Variants in OR6T1 observed in about 807,000 individuals in gnomAD.
OR6T1 encodes olfactory receptor 6T1.
For synonymous variants in OR6T1, 179 were observed against 159.1 expected (o/e 1.13, Z -0.94); for missense variants, 389 against 390.5 (o/e 1.00, Z 0.03).
In OR6T1 at chr11:123,942,917, G is replaced by T; in HGVS notation, c.922C>A (p.Pro308Thr). Residue 308 changes from proline (P) to threonine (T), a missense_variant, in exon 1 of 1, where the codon CCC (proline) becomes ACC (threonine). Transcript: ENST00000321252. ...QQALREALGW[P>T]RLTAVMKLRV... is the part of the protein sequence containing the mutation. Reference sequence around the variant, plus strand: ...AGTTTCATCACAGCAGTGAGCCTGGGCCACCCCAAGGCTTCTCTCAGTGCT... The same window carrying T: ...AGTTTCATCACAGCAGTGAGCCTGGTCCACCCCAAGGCTTCTCTCAGTGCT... 1 of 1,614,058 alleles carries T rather than the reference G, an allele frequency of 6.2e-7. No individual in the cohort carries two copies. The highest frequency in any genetic ancestry group is 8.5e-7 in the Non-Finnish European group (1 of 1,179,988).
chr11:123,943,560 T>C lies in OR6T1; in HGVS notation c.279A>G (p.Ser93=). 1.9e-6 allele frequency: 3 copies of C among 1,614,062 alleles called. No individual in the cohort carries two copies. Among genetic ancestry groups the C allele is most frequent in the Non-Finnish European group, 2.5e-6 (3 of 1,179,996 alleles). The change falls in exon 1 of 1, where the codon TCA becomes TCG. Residue 93 remains serine, a synonymous_variant. Transcript: ENST00000321252. ...VVILTGDHTI[S]FVSCIIQSYL... is the part of the protein sequence containing the mutation. ...AGGACTGGATGATGCAGCTGACAAA[T>C]GAGATGGTGTGATCCCCCGTGAGGA...
Position 123,943,276 on chromosome 11 carries a change from G to C in OR6T1, c.563C>G (p.Ser188Cys). Residue 188 changes from serine (S) to cysteine (C), a missense_variant, in exon 1 of 1, where the codon TCT (serine) becomes TGT (cysteine). Physicochemically the swap from Ser to Cys is moderately radical, Grantham distance 112. Coordinates refer to ENST00000321252, the MANE Select transcript of OR6T1 (RefSeq NM_001005187.1). ...FRDSWPLLRL[S>C]CGDTHLLKLV... ...TTTCAGCAGGTGGGTGTCCCCACAA[G>C]AAAGCCTGAGCAAGGGCCAACTGTC... 6.2e-7 allele frequency: 1 copy of C among 1,614,210 alleles called. No individual in the cohort carries two copies. The highest frequency in any genetic ancestry group is 8.5e-7 in the Non-Finnish European group (1 of 1,180,034).
At position 123,943,373 on chromosome 11, in the gene OR6T1, C is replaced by A. The variant is rs1432238496; in HGVS notation, c.466G>T (p.Val156Phe). Residue 156 changes from valine to phenylalanine, a missense_variant, in exon 1 of 1, where the codon GTC becomes TTC. Transcript: ENST00000321252. ...LASWLAGFLW[V>F]LCPTVLMASL... is the part of the protein sequence containing the mutation. Reference sequence around the variant, plus strand: ...GCCATGAGGACAGTGGGGCAAAGGACCCAGAGGAATCCAGCTAGCCAGGAG... The same window carrying A: ...GCCATGAGGACAGTGGGGCAAAGGAACCAGAGGAATCCAGCTAGCCAGGAG... 2 of 1,614,172 alleles carry A rather than the reference C, an allele frequency of 1.2e-6. No individual in the cohort carries two copies. Among genetic ancestry groups the A allele is most frequent in the Non-Finnish European group, 1.7e-6 (2 of 1,180,050 alleles).
At position 123,943,664 on chromosome 11, in the gene OR6T1, T is replaced by A; in HGVS notation, c.175A>T (p.Met59Leu). 4 of 1,614,162 alleles carry A rather than the reference T, an allele frequency of 2.5e-6. No individual in the cohort carries two copies. The highest frequency in any genetic ancestry group is 1.7e-6 in the Non-Finnish European group (2 of 1,179,996). The change falls in exon 1 of 1, where the codon ATG becomes TTG. Residue 59 changes from methionine to leucine, a missense_variant. Physicochemically the swap from Met to Leu is conservative, Grantham distance 15. Coordinates refer to ENST00000321252, the MANE Select transcript of OR6T1 (RefSeq NM_001005187.1). ...GAGAAATTCCGCAGGAAGAAGTACA[T>A]CTGTATGTGCAGGCGTTGGTCTATC... ...SWIDQRLHIQ[M>L]YFFLRNFSFL...
At position 123,943,223 on chromosome 11, in the gene OR6T1, C is replaced by G. The variant is rs1473757582; in HGVS notation, c.616G>C (p.Val206Leu). 1.2e-6 allele frequency: 2 copies of G among 1,614,068 alleles called. No homozygotes were observed. The highest frequency in any genetic ancestry group is 1.7e-5 in the Admixed American group (1 of 60,006). The change falls in exon 1 of 1, where the codon GTG (valine) becomes CTG (leucine). Residue 206 changes from valine (V) to leucine (L), a missense_variant. Physicochemically the swap from Val to Leu is conservative, Grantham distance 32. Transcript: ENST00000321252. ...KLVAFMLSTL[V>L]LLGSLALTSV... The stretch of plus-strand genomic sequence containing the variant: ...GTCAGAGCCAGTGAGCCCAGTAACA[C>G]CAACGTAGAGAGCATGAAAGCCACC...
Position 123,943,644 on chromosome 11 carries a change from A to G in OR6T1, c.195T>C (p.Asn65=). 6.2e-7 allele frequency: 1 copy of G among 1,614,198 alleles called. No individual in the cohort carries two copies. The highest frequency in any genetic ancestry group is 8.5e-7 in the Non-Finnish European group (1 of 1,180,018). Residue 65 remains asparagine, a synonymous_variant, in exon 1 of 1, where the codon AAT becomes AAC. Coordinates refer to ENST00000321252, the MANE Select transcript of OR6T1 (RefSeq NM_001005187.1). ...CCAGCAACAGCTCCAGGAAGGAGAA[A>G]TTCCGCAGGAAGAAGTACATCTGTA... is the stretch of plus-strand genomic sequence containing the variant. The part of the protein sequence containing the change: ...LHIQMYFFLR[N]FSFLELLLVT...
rs1243317064 is a variant in OR6T1 at position 123,943,784 on chromosome 11, T to C, written c.55A>G (p.Ser19Gly). The change falls in exon 1 of 1, where the codon AGT becomes GGT. Residue 19 changes from serine to glycine, a missense_variant. Physicochemically the swap from Ser to Gly is moderately conservative, Grantham distance 56 (BLOSUM62 0). Transcript: ENST00000321252. ...ACCAGGAACTGTATGAGGTGGCTAC[T>C]GGGGAAACCCAGAAGGACAAAGCTT... ...VTSFVLLGFP[S>G]SHLIQFLVFL... 1 of 1,614,076 alleles carries C rather than the reference T, an allele frequency of 6.2e-7. No homozygotes were observed. The highest frequency in any genetic ancestry group is 8.5e-7 in the Non-Finnish European group (1 of 1,179,950).
chr11:123,943,303 C>T lies in OR6T1; in HGVS notation c.536G>A (p.Arg179His), dbSNP rs992774534. Residue 179 changes from arginine (R) to histidine (H), a missense_variant, in exon 1 of 1, where the codon CGT becomes CAT. Transcript: ENST00000321252. The part of the protein sequence containing the change: ...CGPNGIDHFF[R>H]DSWPLLRLSC... ...AAGCCTGAGCAAGGGCCAACTGTCA[C>T]GAAAGAAGTGGTCAATACCATTGGG... The T allele has an allele frequency of 3.1e-5, 50 of 1,613,990 alleles. No individual in the cohort carries two copies. The highest frequency in any genetic ancestry group is 3.9e-5 in the Non-Finnish European group (46 of 1,180,034).
At position 123,943,214 on chromosome 11, in the gene OR6T1, C is replaced by T; in HGVS notation, c.625G>A (p.Gly209Ser). 2 of 1,614,172 alleles carry T rather than the reference C, an allele frequency of 1.2e-6. No homozygotes were observed. Among genetic ancestry groups the T allele is most frequent in the South Asian group, 1.1e-5 (1 of 91,080 alleles). The change falls in exon 1 of 1, where the codon GGC becomes AGC. Residue 209 changes from glycine (G) to serine (S), a missense_variant. By Grantham distance (56) the Gly-to-Ser change is moderately conservative. Coordinates refer to ENST00000321252, the MANE Select transcript of OR6T1 (RefSeq NM_001005187.1). ...GAAACTGAGGTCAGAGCCAGTGAGC[C>T]CAGTAACACCAACGTAGAGAGCATG... Reference protein sequence around the residue: ...AFMLSTLVLLGSLALTSVSYA... With the variant: ...AFMLSTLVLLSSLALTSVSYA...
chr11:123,943,201 A>G lies in OR6T1; in HGVS notation c.638T>C (p.Leu213Pro). ...AATGCAGGCATAGGAAACTGAGGTC[A>G]GAGCCAGTGAGCCCAGTAACACCAA... The part of the protein sequence containing the change: ...STLVLLGSLA[L>P]TSVSYACILA... Residue 213 changes from leucine to proline, a missense_variant, in exon 1 of 1, where the codon CTG becomes CCG. Leu to Pro is a moderately conservative substitution (Grantham distance 98). Transcript: ENST00000321252. 1.2e-6 allele frequency: 2 copies of G among 1,614,214 alleles called. No homozygotes were observed. The highest frequency in any genetic ancestry group is 1.7e-6 in the Non-Finnish European group (2 of 1,180,018).
chr11:123,943,295 A>C lies in OR6T1; in HGVS notation c.544T>G (p.Trp182Gly). 6.2e-7 allele frequency: 1 copy of C among 1,614,188 alleles called. No individual in the cohort carries two copies. Among genetic ancestry groups the C allele is most frequent in the Non-Finnish European group, 8.5e-7 (1 of 1,180,024 alleles). Residue 182 changes from tryptophan (W) to glycine (G), a missense_variant, in exon 1 of 1, where the codon TGG becomes GGG. Transcript: ENST00000321252. ...NGIDHFFRDS[W>G]PLLRLSCGDT... ...CCACAAGAAAGCCTGAGCAAGGGCC[A>C]ACTGTCACGAAAGAAGTGGTCAATA...
rs776058446 is a variant in OR6T1, at chr11:123,943,377, G to A, written c.462C>T (p.Leu154=). The part of the protein sequence containing the change: ...LVLASWLAGF[L]WVLCPTVLMA... Reference sequence around the variant, plus strand: ...TGAGGACAGTGGGGCAAAGGACCCAGAGGAATCCAGCTAGCCAGGAGGCCA... The same window carrying A: ...TGAGGACAGTGGGGCAAAGGACCCAAAGGAATCCAGCTAGCCAGGAGGCCA... The change falls in exon 1 of 1, where the codon CTC becomes CTT. Residue 154 remains leucine, a synonymous_variant. Coordinates refer to ENST00000321252, the MANE Select transcript of OR6T1 (RefSeq NM_001005187.1). 3.7e-6 allele frequency: 6 copies of A among 1,614,106 alleles called. No individual in the cohort carries two copies. Among genetic ancestry groups the A allele is most frequent in the South Asian group, 1.1e-5 (1 of 91,094 alleles).
Position 123,943,324 on chromosome 11 carries a change from T to A in OR6T1, c.515A>T (p.Asn172Ile), listed in dbSNP as rs961614889. Residue 172 changes from asparagine to isoleucine, a missense_variant, in exon 1 of 1, where the codon AAT (asparagine) becomes ATT (isoleucine). Asn to Ile is a moderately radical substitution (Grantham distance 149). Coordinates refer to ENST00000321252, the MANE Select transcript of OR6T1 (RefSeq NM_001005187.1). ...GTCACGAAAGAAGTGGTCAATACCA[T>A]TGGGGCCACAGAAAGGCAGGCTGGC... ...LMASLPFCGP[N>I]GIDHFFRDSW... 1 of 1,613,932 alleles carries A rather than the reference T, an allele frequency of 6.2e-7. No homozygotes were observed. The highest frequency in any genetic ancestry group is 1.3e-5 in the African/African-American group (1 of 74,880).
Position 123,943,012 on chromosome 11 carries a change from A to G in OR6T1, c.827T>C (p.Val276Ala). ...GAGGGGTGTGATGATGCAGCTCAGG[A>G]CGGAGGCACCTTTGTTGAGCAGTTT... ...QSKLLNKGAS[V>A]LSCIITPLLN... The change falls in exon 1 of 1, where the codon GTC becomes GCC. Residue 276 changes from valine to alanine, a missense_variant. Transcript: ENST00000321252. 1 of 1,614,140 alleles carries G rather than the reference A, an allele frequency of 6.2e-7. No individual in the cohort carries two copies. Among genetic ancestry groups the G allele is most frequent in the South Asian group, 1.1e-5 (1 of 91,072 alleles).
In OR6T1 at chr11:123,943,726, G is replaced by C; in HGVS notation, c.113C>G (p.Thr38Arg). 1 of 1,614,168 alleles carries C rather than the reference G, an allele frequency of 6.2e-7. No individual in the cohort carries two copies. The highest frequency in any genetic ancestry group is 8.5e-7 in the Non-Finnish European group (1 of 1,179,994). The change falls in exon 1 of 1, where the codon ACA becomes AGA. Residue 38 changes from threonine to arginine, a missense_variant. Physicochemically the swap from Thr to Arg is moderately conservative, Grantham distance 71 (BLOSUM62 -1). Coordinates refer to ENST00000321252, the MANE Select transcript of OR6T1 (RefSeq NM_001005187.1). ...FLGLMVTYIV[T>R]ATGKLLIIVL... ...AATAATTAGCAGCTTGCCTGTGGCT[G>C]TTACAATGTAGGTCACCATTAACCC...
rs564807423 is a variant in OR6T1, at chr11:123,942,900, C to T, written c.939G>A (p.Val313=). ...TTTGACTTGTGACCCTCAGTTTCAT[C>T]ACAGCAGTGAGCCTGGGCCACCCCA... ...EALGWPRLTA[V]MKLRVTSQRK is the part of the protein sequence containing the mutation. Residue 313 remains valine (V), a synonymous_variant, in exon 1 of 1, where the codon GTG becomes GTA. Coordinates refer to ENST00000321252, the MANE Select transcript of OR6T1 (RefSeq NM_001005187.1). The T allele has an allele frequency of 2.1e-4, 335 of 1,614,102 alleles. 1 individual carries two copies. The South Asian group carries it at 3.5e-3, about 17-fold the overall frequency.
rs987070717 is a variant in OR6T1 at position 123,943,168 on chromosome 11, G to T, written c.671C>A (p.Thr224Asn). ...AGCAGCTGTAGGGGCCCTGAGAACAGTGGCAAGAATGCAGGCATAGGAAAC... is the reference window on the plus strand; with the variant it reads ...AGCAGCTGTAGGGGCCCTGAGAACATTGGCAAGAATGCAGGCATAGGAAAC... ...TSVSYACILA[T>N]VLRAPTAAER... The change falls in exon 1 of 1, where the codon ACT becomes AAT. Residue 224 changes from threonine (T) to asparagine (N), a missense_variant. Physicochemically the swap from Thr to Asn is moderately conservative, Grantham distance 65 (BLOSUM62 0). Coordinates refer to ENST00000321252, the MANE Select transcript of OR6T1 (RefSeq NM_001005187.1). 9.3e-6 allele frequency: 15 copies of T among 1,614,086 alleles called. 1 individual carries two copies. The highest frequency in any genetic ancestry group is 9.3e-6 in the Non-Finnish European group (11 of 1,180,030).
Position 123,943,442 on chromosome 11 carries a change from C to T in OR6T1, c.397G>A (p.Glu133Lys), listed in dbSNP as rs752746563. 2 of 1,614,148 alleles carry T rather than the reference C, an allele frequency of 1.2e-6. No homozygotes were observed. Among genetic ancestry groups the T allele is most frequent in the South Asian group, 2.2e-5 (2 of 91,086 alleles). Residue 133 changes from glutamate to lysine, a missense_variant, in exon 1 of 1, where the codon GAG becomes AAG. Glu to Lys is a moderately conservative substitution (Grantham distance 56). Coordinates refer to ENST00000321252, the MANE Select transcript of OR6T1 (RefSeq NM_001005187.1). ...CAGACATGGCCATTCATCAGGGTCT[C>T]ATAGCGGAGTGGTCGGCAGATTGCC... is the stretch of plus-strand genomic sequence containing the variant. ...YLAICRPLRYETLMNGHVCSQ... is the reference protein window; with the variant it reads ...YLAICRPLRYKTLMNGHVCSQ...
Position 123,943,519 on chromosome 11 carries a change from A to G in OR6T1, c.320T>C (p.Leu107Pro). The change falls in exon 1 of 1, where the codon CTA (leucine) becomes CCA (proline). Residue 107 changes from leucine to proline, a missense_variant. Transcript: ENST00000321252. Reference sequence around the variant, plus strand: ...CAAGAGGAAGAAGTCAGTGGTGCCTAGAAAGAAGTAGAGGTAGGACTGGAT... The same window carrying G: ...CAAGAGGAAGAAGTCAGTGGTGCCTGGAAAGAAGTAGAGGTAGGACTGGAT... ...CIIQSYLYFF[L>P]GTTDFFLLAV... 1 of 1,614,184 alleles carries G rather than the reference A, an allele frequency of 6.2e-7. No individual in the cohort carries two copies. The highest frequency in any genetic ancestry group is 8.5e-7 in the Non-Finnish European group (1 of 1,180,030).
Sources: allele counts gnomAD v4.1 joint callset, GRCh38; gene constraint gnomAD v4.1.1; transcripts MANE v1.5; gene names NCBI Gene and HGNC (gene_info 2026-07-23, HGNC 2026-07-21).